SFMBT1: variants seen among roughly 807,000 people sequenced by gnomAD.
SFMBT1 encodes scm-like with four MBT domains protein 1.
A neutral mutation model predicts 108.7 loss-of-function variants in SFMBT1; 32 were observed. That is an observed-to-expected ratio of 0.29 (90% CI 0.22 to 0.40). SFMBT1 has a LOEUF of 0.40. Among genes scored for constraint, SFMBT1 ranks in the 10% least tolerant of loss-of-function variants. The pLI is 1.00. For missense variants in SFMBT1, 816 were observed against 1,059.6 expected (o/e 0.77, Z 3.19); for synonymous variants, 348 against 369.5 (o/e 0.94, Z 0.67).
chr3:52,948,828 T>A (rs1477525728), intron 3 of SFMBT1, among the ~76,000 whole-genome samples: 1 of 127,982 alleles, frequency 7.8e-6, no homozygotes, highest in African/African-American at 2.8e-5. Context: ...ATTTTTAATT[T>A]TTTTTTTTTT....
Position 52,930,932 on chromosome 3 carries a change from T to C in SFMBT1, c.795+9A>G. On this transcript the variant is annotated intron_variant, in intron 7 of 20. Coordinates refer to ENST00000394752, the MANE Select transcript of SFMBT1 (RefSeq NM_016329.4). ...AGCAATACCGGTCTATCACATGTTT[T>C]GTTTTTACCTTAAATAAGTAAGATG... 1 of 1,612,898 alleles carries C rather than the reference T, an allele frequency of 6.2e-7. No homozygotes were observed. The highest frequency in any genetic ancestry group is 1.7e-4 in the Middle Eastern group (1 of 6,052).
intron 1 of SFMBT1, among the ~76,000 whole-genome samples, chr3:53,015,557 T>C (rs778325559): frequency 3.9e-5 from 6 of 152,160 alleles, no homozygotes; most frequent in Non-Finnish European, 5.9e-5. Context: ...GATGAGTAGA[T>C]AAATAAGATG....
intron 2 of SFMBT1, among the ~76,000 whole-genome samples, chr3:52,956,472 T>C (rs1440760003): frequency 1.3e-5 from 2 of 148,770 alleles, no homozygotes; most frequent in African/African-American, 5.0e-5. Flanking sequence ...AATAAATAAA[T>C]ACAATAGGCT....
At chr3:52,978,652 A>G (rs754542853) in intron 1 of SFMBT1, among the ~76,000 whole-genome samples, 1 of 152,208 alleles carries the variant, frequency 6.6e-6, no homozygotes, top group Non-Finnish European at 1.5e-5. Flanking sequence ...TCCAAACATA[A>G]ACTTGTTCAT....
At chr3:53,038,910 T>C (rs1329129047) in intron 1 of SFMBT1, among the ~76,000 whole-genome samples, 1 of 152,160 alleles carries the variant, frequency 6.6e-6, no homozygotes, top group Non-Finnish European at 1.5e-5. Context: ...TGAACACACA[T>C]ATTTTTTTGG....
At chr3:52,977,057 A>T (rs1704542726) in intron 1 of SFMBT1, among the ~76,000 whole-genome samples, 2 of 152,352 alleles carry the variant, frequency 1.3e-5, no homozygotes, top group South Asian at 4.1e-4. Context: ...CTTCCAATAC[A>T]TTTCAGAAAA....
intron 6 of SFMBT1, 144 bp from the exon 7 acceptor site, chr3:52,931,179 C>A: frequency 1.5e-6 from 1 of 677,480 alleles, no homozygotes; most frequent in Non-Finnish European, 2.5e-6. Context: ...CCTTTACATT[C>A]AAAGAACTTG....
At chr3:52,915,956 G>A (rs1481178977) in intron 14 of SFMBT1, among the ~76,000 whole-genome samples, 194 bp downstream of exon 14, 5 of 152,298 alleles carry the variant, frequency 3.3e-5, no homozygotes, top group Admixed American at 2.6e-4. Flanking sequence ...ATTAGAAATG[G>A]ACGGAACTAT....
intron 3 of SFMBT1, among the ~76,000 whole-genome samples, chr3:52,949,565 CTTCT>C (rs1703496522): frequency 8.4e-6 from 1 of 119,208 alleles, no homozygotes; most frequent in Non-Finnish European, 1.8e-5. Flanking sequence ...ATGTAATGTC[CTTCT>C]TTTTTTTTTT....
At chr3:52,916,547 T>G (rs1447494426) in intron 13 of SFMBT1, among the ~76,000 whole-genome samples, 3 of 151,584 alleles carry the variant, frequency 2.0e-5, no homozygotes, top group African/African-American at 7.3e-5. Flanking sequence ...CAGGCACCTG[T>G]AGTCCCAGCT....
intron 1 of SFMBT1, among the ~76,000 whole-genome samples, chr3:52,993,680 A>C (rs1698211344): frequency 6.7e-6 from 1 of 150,244 alleles, no homozygotes; most frequent in African/African-American, 2.4e-5. Context: ...ACAGCCAAAA[A>C]AAAGGGGAAA....
rs549053174 is a variant in SFMBT1, at chr3:52,912,564, G to A, written c.1704C>T (p.His568=). 28 of 1,613,904 alleles carry A rather than the reference G, an allele frequency of 1.7e-5. No homozygotes were observed. Among genetic ancestry groups the A allele is most frequent in the South Asian group, 1.2e-4 (11 of 91,084 alleles). ...ELQLDKDSVW[H]GCGEVLKAKY... ...TGGCTTTTAGGACTTCCCCACATCC[G>A]TGCCACACAGAGTCTTTGTCCAGCT... The change falls in exon 16 of 21, where the codon CAC becomes CAT. Residue 568 remains histidine, a synonymous_variant. Coordinates refer to ENST00000394752, the MANE Select transcript of SFMBT1 (RefSeq NM_016329.4).
intron 4 of SFMBT1, among the ~76,000 whole-genome samples, chr3:52,938,799 A>G (rs557295552): frequency 6.6e-6 from 1 of 152,336 alleles, no homozygotes; most frequent in Admixed American, 6.5e-5. Flanking sequence ...TTTAAGTTCT[A>G]TAGCTATACA....
intron 1 of SFMBT1, among the ~76,000 whole-genome samples, chr3:53,015,406 A>T (rs1051392754): frequency 2.6e-5 from 4 of 152,214 alleles, no homozygotes; most frequent in African/African-American, 9.7e-5. Context: ...AAGAGTTACC[A>T]TAGACCCAGC....
intron 1 of SFMBT1, among the ~76,000 whole-genome samples, chr3:52,999,160 C>T (rs1488405966): frequency 6.6e-6 from 1 of 151,024 alleles, no homozygotes; most frequent in Non-Finnish European, 1.5e-5. Context: ...TCGCCAACAG[C>T]GGCCTGTTCT....
chr3:52,980,655 T>TA (rs34854186), intron 1 of SFMBT1, among the ~76,000 whole-genome samples: 4,910 of 125,076 alleles, frequency 0.039, 281 homozygotes, highest in African/African-American at 0.13. Flanking sequence ...GACCATTGTT[T>TA]AAAAAAAAAA....
At chr3:52,953,455 A>AC (rs1703662830) in intron 3 of SFMBT1, among the ~76,000 whole-genome samples, 1 of 151,652 alleles carries the variant, frequency 6.6e-6, no homozygotes, top group Non-Finnish European at 1.5e-5. Context: ...CCAAAAAAAA[A>AC]ACCTAGGTCT....
intron 3 of SFMBT1, among the ~76,000 whole-genome samples, chr3:52,946,001 A>C (rs1467269114): frequency 6.6e-6 from 1 of 152,206 alleles, no homozygotes; most frequent in Non-Finnish European, 1.5e-5. Context: ...GTAACTAACC[A>C]ATCAAAGTTT....
At chr3:52,999,667 C>T (rs1466298134) in intron 1 of SFMBT1, among the ~76,000 whole-genome samples, 1 of 149,780 alleles carries the variant, frequency 6.7e-6, no homozygotes, top group Non-Finnish European at 1.5e-5. Context: ...GGGGAGTGGG[C>T]CACATGAGTG....
Sources: allele counts gnomAD v4.1 joint callset (sites outside exome capture counted in the v4.1 genomes callset), GRCh38; gene constraint gnomAD v4.1.1; transcripts MANE v1.5; gene names NCBI Gene and HGNC (gene_info 2026-07-23, HGNC 2026-07-21).